GRM3: variants seen among roughly 807,000 people sequenced by gnomAD.
The protein encoded by GRM3 is glutamate metabotropic receptor 3.
Under a neutral mutation model 70.5 loss-of-function variants are expected in GRM3, and 26 were observed. That is an observed-to-expected ratio of 0.37 (90% CI 0.27 to 0.51). The LOEUF (loss-of-function observed/expected upper bound fraction) is 0.51, where lower values mean the gene tolerates loss of function less well. Among genes scored for constraint, GRM3 ranks in the 20% least tolerant of loss-of-function variants. The pLI is 0.93. For missense variants in GRM3, 859 were observed against 1,123.8 expected (o/e 0.76, Z 3.37); for synonymous variants, 443 against 434.9 (o/e 1.02, Z -0.23).
chr7:86,845,031 A>T (rs947090395), intron 4 of GRM3, among the ~76,000 whole-genome samples: 1 of 152,144 alleles, frequency 6.6e-6, no homozygotes, highest in Admixed American at 6.6e-5. Flanking sequence ...CTGGGATTAC[A>T]GGCACATGCC....
rs770605608 is a variant in GRM3, at chr7:86,786,738, G to A, written c.946G>A (p.Val316Met). ...GAGCATCATCAAGGGCAGCGAGCAT[G>A]TGGCCTACGGCGCCATCACCCTGGA... Reference protein sequence around the residue: ...QESIIKGSEHVAYGAITLELA... With the variant: ...QESIIKGSEHMAYGAITLELA... The change falls in exon 3 of 6, where the codon GTG becomes ATG. Residue 316 changes from valine to methionine, a missense_variant. Transcript: ENST00000361669. This position sits in a 1 kb window ranked among gnomAD's most constrained non-coding sequence, Gnocchi z 6.0. The A allele has an allele frequency of 1.8e-5, 29 of 1,613,522 alleles. No individual in the cohort carries two copies. Among genetic ancestry groups the A allele is most frequent in the Non-Finnish European group, 2.4e-5 (28 of 1,180,026 alleles).
At chr7:86,670,896 T>C (rs962245254) in intron 1 of GRM3, among the ~76,000 whole-genome samples, 2 of 152,180 alleles carry the variant, frequency 1.3e-5, no homozygotes, top group Non-Finnish European at 2.9e-5. Flanking sequence ...TTTCTTGACC[T>C]TTAGATGTTG....
intron 2 of GRM3, among the ~76,000 whole-genome samples, chr7:86,773,006 G>A (rs1252729244): frequency 2.6e-5 from 4 of 151,598 alleles, no homozygotes; most frequent in South Asian, 2.1e-4. Context: ...CGATTTCAAC[G>A]TTTATTTTTG....
chr7:86,689,592 T>C (rs935548422), intron 1 of GRM3, among the ~76,000 whole-genome samples: 1 of 152,132 alleles, frequency 6.6e-6, no homozygotes, highest in Admixed American at 6.5e-5. Flanking sequence ...TTTGCACTTA[T>C]TTAGAGAAAC....
intron 3 of GRM3, among the ~76,000 whole-genome samples, chr7:86,796,840 A>G (rs557705421): frequency 3.2e-4 from 48 of 152,126 alleles, no homozygotes; most frequent in African/African-American, 9.4e-4. Context: ...AAGGGACTCA[A>G]TGGGTGGTAA....
intron 3 of GRM3, among the ~76,000 whole-genome samples, chr7:86,800,400 A>T (rs1797654990): frequency 6.6e-6 from 1 of 152,220 alleles, no homozygotes; most frequent in Non-Finnish European, 1.5e-5. Context: ...TGCTGGCTAG[A>T]CTAATAAAGA....
intron 1 of GRM3, among the ~76,000 whole-genome samples, chr7:86,734,836 C>T (rs1795818360): frequency 6.6e-6 from 1 of 152,184 alleles, no homozygotes; most frequent in Admixed American, 6.6e-5. Context: ...TCATCACATA[C>T]ACCAGCTTAG....
At chr7:86,812,191 G>A (rs1273116190) in intron 3 of GRM3, among the ~76,000 whole-genome samples, 1 of 151,782 alleles carries the variant, frequency 6.6e-6, no homozygotes, top group Non-Finnish European at 1.5e-5. Context: ...AAAACTGCAA[G>A]TAGGAAAATA....
rs1799028811 is a variant in GRM3, at chr7:86,864,652, A to AAAC, written c.*299_*300insCAA. On this transcript the variant is annotated 3_prime_UTR_variant, in exon 6 of 6. Coordinates refer to ENST00000361669, the MANE Select transcript of GRM3 (RefSeq NM_000840.3). Reference sequence around the variant, plus strand: ...CTACTAAAAAACAAAAAAAAAAAACAAAAAAAAAAAAACAAAAGAAAAAAA... The same window carrying AAAC: ...CTACTAAAAAACAAAAAAAAAAAACAAACAAAAAAAAAAAACAAAAGAAAAAAA... The AAAC allele has an allele frequency of 2.3e-5, 3 of 132,454 alleles. No homozygotes were observed. The highest frequency in any genetic ancestry group is 1.4e-4 in the African/African-American group (3 of 21,412). 8.2% of individuals were successfully genotyped at this position (132,454 alleles called of 1,614,324 possible).
intron 5 of GRM3, among the ~76,000 whole-genome samples, chr7:86,860,936 G>T (rs1216653754): frequency 6.6e-6 from 1 of 152,158 alleles, no homozygotes; most frequent in Non-Finnish European, 1.5e-5. Context: ...TTAAGAGGGG[G>T]TATTTGAATC....
At chr7:86,736,357 T>G (rs1795858421) in intron 1 of GRM3, among the ~76,000 whole-genome samples, 2 of 152,198 alleles carry the variant, frequency 1.3e-5, no homozygotes, top group Non-Finnish European at 2.9e-5. Context: ...TTCAGTTAAA[T>G]GCCAATGTGA....
chr7:86,650,827 C>T (rs922145115), intron 1 of GRM3, among the ~76,000 whole-genome samples: 2 of 152,142 alleles, frequency 1.3e-5, no homozygotes, highest in Non-Finnish European at 2.9e-5. Context: ...ATGTTTCTCT[C>T]CTCTTACAAC....
At chr7:86,753,805 A>C (rs1335753735) in intron 1 of GRM3, among the ~76,000 whole-genome samples, 1 of 152,122 alleles carries the variant, frequency 6.6e-6, no homozygotes, top group Non-Finnish European at 1.5e-5. Context: ...GTGCTGGTAA[A>C]TATTTAACAA....
chr7:86,830,705 A>C (rs1798332890), intron 3 of GRM3, among the ~76,000 whole-genome samples: 1 of 152,208 alleles, frequency 6.6e-6, no homozygotes, highest in Non-Finnish European at 1.5e-5. Context: ...AATATCAGGC[A>C]AAATAGTCTG....
intron 1 of GRM3, among the ~76,000 whole-genome samples, chr7:86,653,863 A>G (rs578110610): frequency 1.4e-4 from 22 of 152,258 alleles, no homozygotes; most frequent in African/African-American, 4.8e-4. Flanking sequence ...TGAAAAGATT[A>G]TTTCTTAGAA....
At chr7:86,793,056 C>CA (rs1797461107) in intron 3 of GRM3, among the ~76,000 whole-genome samples, 1 of 123,952 alleles carries the variant, frequency 8.1e-6, no homozygotes, top group South Asian at 2.7e-4. Context: ...AGTGAAGAGA[C>CA]AGACTACTGG....
At chr7:86,747,560 T>C (rs999919234) in intron 1 of GRM3, among the ~76,000 whole-genome samples, 1 of 152,034 alleles carries the variant, frequency 6.6e-6, no homozygotes, top group African/African-American at 2.4e-5. Flanking sequence ...AGGGTCCAGT[T>C]ATAATCTTCA....
At chr7:86,763,096 C>G (rs1796519464) in intron 1 of GRM3, among the ~76,000 whole-genome samples, 1 of 152,094 alleles carries the variant, frequency 6.6e-6, no homozygotes, top group African/African-American at 2.4e-5. Flanking sequence ...AGTGTCTCCC[C>G]CAATGAGACA....
At chr7:86,823,021 C>G (rs1798153326) in intron 3 of GRM3, among the ~76,000 whole-genome samples, 1 of 152,048 alleles carries the variant, frequency 6.6e-6, no homozygotes, top group African/African-American at 2.4e-5. Context: ...GACCTTCATG[C>G]AATGAAGTGA....
Sources: allele counts gnomAD v4.1 joint callset (sites outside exome capture counted in the v4.1 genomes callset), GRCh38; gene constraint gnomAD v4.1.1; non-coding constraint Gnocchi (gnomAD v3.1); transcripts MANE v1.5; gene names NCBI Gene and HGNC (gene_info 2026-07-23, HGNC 2026-07-21).